Variants in KCTD2 observed in about 807,000 individuals in gnomAD.
The protein encoded by KCTD2 is potassium channel tetramerization domain containing 2, also known as BTB/POZ domain-containing protein KCTD2.
In KCTD2, 18 loss-of-function variants were observed where a neutral mutation model predicts 27.9. The ratio of observed to expected loss-of-function variants is 0.64; its 90% CI spans 0.45 to 0.96. The LOEUF (loss-of-function observed/expected upper bound fraction) is 0.96. KCTD2 is among the 40% of genes least tolerant of loss of function. The pLI is 0.00. For synonymous variants in KCTD2, 175 were observed against 148.4 expected (o/e 1.18, Z -1.30); for missense variants, 280 against 348.0 (o/e 0.80, Z 1.56).
chr17:75,049,144 T>A, intron 1 of KCTD2, 76 bp from the exon 2 acceptor site: 1 of 849,520 alleles, frequency 1.2e-6, no homozygotes, highest in Non-Finnish European at 1.8e-6. Flanking sequence ...CTGACAAAGA[T>A]GGTGAAATCC....
chr17:75,057,668 T>C (rs1402257036), intron 3 of KCTD2, among the ~76,000 whole-genome samples: 1 of 150,208 alleles, frequency 6.7e-6, no homozygotes, highest in Non-Finnish European at 1.5e-5. Flanking sequence ...CAAGCAGTTC[T>C]CCCGCCTCAG....
chr17:75,057,805 C>T (rs1311688035), intron 3 of KCTD2, among the ~76,000 whole-genome samples: 1 of 151,944 alleles, frequency 6.6e-6, no homozygotes, highest in African/African-American at 2.4e-5. Flanking sequence ...AGATGATCCG[C>T]CCACCTCGGT....
At position 75,063,247 on chromosome 17, in the gene KCTD2, G is replaced by A; in HGVS notation, c.*200G>A. 1 of 610,902 alleles carries A rather than the reference G, an allele frequency of 1.6e-6. No homozygotes were observed. Among genetic ancestry groups the A allele is most frequent in the Non-Finnish European group, 2.9e-6 (1 of 343,406 alleles). 37.8% of individuals were successfully genotyped at this position (610,902 alleles called of 1,614,324 possible). On this transcript the variant is annotated 3_prime_UTR_variant, in exon 6 of 6. Coordinates refer to ENST00000322444, the MANE Select transcript of KCTD2 (RefSeq NM_015353.3). ...TCCGAAGACAGTGCGACTTCTGGCT[G>A]CAGAATACCTTTTCAGAAACCTGCT...
intron 2 of KCTD2, among the ~76,000 whole-genome samples, chr17:75,034,412 C>G (rs1192551051): frequency 2.6e-5 from 4 of 152,156 alleles, no homozygotes; most frequent in African/African-American, 4.8e-5. Flanking sequence ...AGAAACCTTG[C>G]GAGCACAGCC....
rs576041284 is a variant in KCTD2 at position 75,063,391 on chromosome 17, G to A, written c.*344G>A. ...CGGAAGGCCTAGCTCCTTGGAAATGGCCTGTACTTTAAGGACGCTGGAGCC... is the reference window on the plus strand; with the variant it reads ...CGGAAGGCCTAGCTCCTTGGAAATGACCTGTACTTTAAGGACGCTGGAGCC... On this transcript the variant is annotated 3_prime_UTR_variant, in exon 6 of 6. Coordinates refer to ENST00000322444, the MANE Select transcript of KCTD2 (RefSeq NM_015353.3). 28 of 322,402 alleles carry A rather than the reference G, an allele frequency of 8.7e-5. No homozygotes were observed. The East Asian group carries it at 1.7e-3, about 19-fold the overall frequency. 20.0% of individuals were successfully genotyped at this position (322,402 alleles called of 1,614,324 possible). A position where few individuals can be genotyped will look rare whatever the true frequency, so the allele number is the denominator to read the frequency against.
Position 75,059,704 on chromosome 17 carries a change from C to T in KCTD2, c.636+99C>T, listed in dbSNP as rs114948535. The T allele has an allele frequency of 3.2e-3, 2,796 of 874,170 alleles. 63 individuals carry two copies. In the African/African-American group the frequency reaches 0.041, roughly 13 times the overall value. 54.2% of individuals were successfully genotyped at this position (874,170 alleles called of 1,614,324 possible). On this transcript the variant is annotated intron_variant, in intron 4 of 5. Coordinates refer to ENST00000322444, the MANE Select transcript of KCTD2 (RefSeq NM_015353.3). ...ATGGCCAATTAATAACCACGGGAGACGGCTACGGCCAGGTGGGATCCTATT... is the reference window on the plus strand; with the variant it reads ...ATGGCCAATTAATAACCACGGGAGATGGCTACGGCCAGGTGGGATCCTATT...
At chr17:75,033,996 T>C (rs565483275) in intron 1 of KCTD2, 150 of 152,344 alleles carry the variant, frequency 9.8e-4, no homozygotes, top group African/African-American at 3.5e-3. Context: ...AAGTTCCTTT[T>C]ACGGAATTTT....
chr17:75,046,084 T>C (rs2073212743), upstream of KCTD2, among the ~76,000 whole-genome samples: 1 of 151,722 alleles, frequency 6.6e-6, no homozygotes, highest in Non-Finnish European at 1.5e-5. Flanking sequence ...CAAATAACTT[T>C]GTGTGTGTGT....
chr17:75,062,699 AACACACACACACACACAC>A (rs10533801), intron 5 of KCTD2, among the ~76,000 whole-genome samples: 16 of 116,072 alleles, frequency 1.4e-4, no homozygotes, highest in South Asian at 1.1e-3. Flanking sequence ...CCTCACCCCC[AACACACACACACACACAC>A]ACACACACAC....
chr17:75,050,587 A>G (rs1598122010), intron 2 of KCTD2, among the ~76,000 whole-genome samples: 4 of 152,254 alleles, frequency 2.6e-5, no homozygotes, highest in Admixed American at 2.6e-4. Context: ...ATAGGCATGC[A>G]GTGTGAAATA....
chr17:75,034,609 G>T (rs2040097375), intron 2 of KCTD2, among the ~76,000 whole-genome samples: 1 of 152,210 alleles, frequency 6.6e-6, no homozygotes, highest in African/African-American at 2.4e-5. Flanking sequence ...AAGCCATGGG[G>T]ACGACAGGAT....
chr17:75,054,679 T>C (rs2073331746), intron 3 of KCTD2, among the ~76,000 whole-genome samples: 2 of 151,814 alleles, frequency 1.3e-5, no homozygotes, highest in African/African-American at 4.8e-5. Context: ...TGGTGATGGG[T>C]GCCTGTAGTC....
intron 4 of KCTD2, chr17:75,060,485 T>C: frequency 6.2e-7 from 1 of 1,611,946 alleles, no homozygotes; most frequent in Non-Finnish European, 8.5e-7. Flanking sequence ...AAACCAGGGT[T>C]GGAACTAACC....
Position 75,047,334 on chromosome 17 carries a change from C to T in KCTD2, c.84C>T (p.Val28=), listed in dbSNP as rs958143696. ...GSGVGDGGGP[V]RGPPSPRPAG... ...GGGTGGGCGACGGGGGTGGCCCAGTCCGCGGGCCCCCCAGCCCACGCCCGG... is the reference window on the plus strand; with the variant it reads ...GGGTGGGCGACGGGGGTGGCCCAGTTCGCGGGCCCCCCAGCCCACGCCCGG... Residue 28 remains valine (V), a synonymous_variant, in exon 1 of 6, where the codon GTC becomes GTT. Transcript: ENST00000322444. The T allele has an allele frequency of 7.8e-6, 9 of 1,157,760 alleles. No homozygotes were observed. Among genetic ancestry groups the T allele is most frequent in the African/African-American group, 1.6e-5 (1 of 61,256 alleles). The allele number at this position is 1,157,760 out of a possible 1,614,324, so 71.7% of individuals were successfully genotyped here.
intron 3 of KCTD2, among the ~76,000 whole-genome samples, chr17:75,058,338 G>GAA (rs34316730): frequency 6.9e-6 from 1 of 145,532 alleles, no homozygotes; most frequent in African/African-American, 2.5e-5. Flanking sequence ...AAAAAAAAAG[G>GAA]AAAAAAAAAT....
chr17:75,034,513 C>A (rs901377928), intron 2 of KCTD2, among the ~76,000 whole-genome samples: 1 of 152,162 alleles, frequency 6.6e-6, no homozygotes, highest in African/African-American at 2.4e-5. Context: ...CGCGGTAAGA[C>A]GCTAAACCCA....
At chr17:75,057,555 C>CTT (rs531046978) in intron 3 of KCTD2, among the ~76,000 whole-genome samples, 9 of 133,352 alleles carry the variant, frequency 6.7e-5, no homozygotes, top group African/African-American at 8.2e-5. Context: ...AGCTATACCT[C>CTT]TTTTTTTTTT....
In KCTD2 at chr17:75,060,570, G is replaced by A. The variant is rs2073394199; in HGVS notation, c.636+965G>A. The A allele has an allele frequency of 2.5e-6, 4 of 1,612,440 alleles. No individual in the cohort carries two copies. In the Admixed American group the frequency reaches 6.7e-5, roughly 27 times the overall value. On this transcript the variant is annotated intron_variant, in intron 4 of 5. Transcript: ENST00000322444. ...TTCTGTGTTGTCCTGGTTGAAGTTG[G>A]CAAAGAGCAGCTGGCCGGCGCCGGC...
At chr17:75,058,470 C>T (rs1443484548) in intron 3 of KCTD2, among the ~76,000 whole-genome samples, 4 of 150,322 alleles carry the variant, frequency 2.7e-5, no homozygotes, top group Non-Finnish European at 5.9e-5. Context: ...CCCCACTGCA[C>T]TCCAGACTGG....
Sources: gnomAD v4.1 joint callset for allele counts (sites outside exome capture counted in the v4.1 genomes callset) on GRCh38, gnomAD v4.1.1 for gene constraint, MANE v1.5 for transcripts, NCBI Gene and HGNC (gene_info 2026-07-23, HGNC 2026-07-21) for gene names.